Variants in ARID1B observed in about 807,000 individuals in gnomAD.
The protein encoded by ARID1B is AT-rich interactive domain-containing protein 1B.
Under a neutral mutation model 212.3 loss-of-function variants are expected in ARID1B, and 30 were observed. The observed-to-expected ratio is 0.14, with a 90% CI of 0.11 to 0.19. The LOEUF is 0.19. Among genes scored for constraint, ARID1B ranks in the 10% least tolerant of loss-of-function variants. The probability of loss-of-function intolerance (pLI) is 1.00; values close to 1 mark genes in which losing one functional copy is unlikely to be tolerated. For synonymous variants in ARID1B, 1,402 were observed against 1,301.7 expected (o/e 1.08, Z -1.66); for missense variants, 2,891 against 3,204.0 (o/e 0.90, Z 2.36).
intron 4 of ARID1B, among the ~76,000 whole-genome samples, chr6:156,997,032 T>G (rs1451608354): frequency 6.6e-6 from 1 of 152,212 alleles, no homozygotes; most frequent in Non-Finnish European, 1.5e-5. Context: ...GTAAACCTGA[T>G]TTTTAGCATT....
At chr6:157,115,393 T>C (rs746364159) in intron 6 of ARID1B, among the ~76,000 whole-genome samples, 2 of 152,134 alleles carry the variant, frequency 1.3e-5, no homozygotes, top group Non-Finnish European at 2.9e-5. Flanking sequence ...TAAAACTTGA[T>C]TTAGTATTGT....
intron 3 of ARID1B, among the ~76,000 whole-genome samples, chr6:156,926,252 A>G (rs559412588): frequency 6.6e-6 from 1 of 152,320 alleles, no homozygotes; most frequent in African/African-American, 2.4e-5. Flanking sequence ...AACCTAGGGG[A>G]AAAATGAAAT....
intron 3 of ARID1B, among the ~76,000 whole-genome samples, chr6:156,908,117 T>C (rs1176990737): frequency 3.3e-5 from 5 of 152,118 alleles, no homozygotes; most frequent in African/African-American, 1.2e-4. Context: ...CCCAGGCTGG[T>C]CTCTAACTCT....
At chr6:157,186,348 T>C (rs1280504632) in intron 13 of ARID1B, 1 of 440,968 alleles carries the variant, frequency 2.3e-6, no homozygotes, top group East Asian at 7.2e-5. Flanking sequence ...GTATACATTC[T>C]TCTCAGTAGT....
In ARID1B at chr6:157,206,243, A is replaced by G. The variant is rs746202741; in HGVS notation, c.5471A>G (p.Tyr1824Cys). 3.7e-6 allele frequency: 6 copies of G among 1,614,238 alleles called. No homozygotes were observed. Among genetic ancestry groups the G allele is most frequent in the Non-Finnish European group, 5.1e-6 (6 of 1,180,052 alleles). Residue 1824 changes from tyrosine (Y) to cysteine (C), a missense_variant, in exon 20 of 20, where the codon TAT (tyrosine) becomes TGT (cysteine). Physicochemically the swap from Tyr to Cys is radical, Grantham distance 194. Coordinates refer to ENST00000636930, the MANE Select transcript of ARID1B (RefSeq NM_001374828.1). The surrounding 1 kb of genome is among the most constrained non-coding windows in gnomAD (Gnocchi z 6.8). ...LIDIFGILME[Y>C]EVGDPSQKAL... The stretch of plus-strand genomic sequence containing the variant: ...GACATTTTTGGAATTCTTATGGAAT[A>G]TGAAGTGGGAGACCCCAGCCAAAAA...
chr6:157,128,892 A>G (rs1441508755), intron 6 of ARID1B, among the ~76,000 whole-genome samples: 2 of 152,230 alleles, frequency 1.3e-5, no homozygotes, highest in Admixed American at 1.3e-4. Context: ...GGCCAGGGGA[A>G]CTCTGGCAGA....
chr6:157,077,436 C>G (rs1055757706), intron 4 of ARID1B, among the ~76,000 whole-genome samples: 5 of 152,254 alleles, frequency 3.3e-5, no homozygotes, highest in African/African-American at 1.2e-4. Context: ...CTGCCTCTGC[C>G]AGGCTCCGGA....
chr6:157,124,009 C>A (rs79329344), intron 6 of ARID1B, among the ~76,000 whole-genome samples: 253 of 152,366 alleles, frequency 1.7e-3, no homozygotes, highest in African/African-American at 5.9e-3. Context: ...GTGGATGCGT[C>A]TGATAGACAT....
chr6:156,869,492 A>G (rs886974540), intron 2 of ARID1B, among the ~76,000 whole-genome samples: 1 of 152,238 alleles, frequency 6.6e-6, no homozygotes, highest in African/African-American at 2.4e-5. Flanking sequence ...CACTGAGATT[A>G]ATGAGCTTAT....
At chr6:156,995,904 T>G (rs1778558151) in intron 4 of ARID1B, among the ~76,000 whole-genome samples, 1 of 152,202 alleles carries the variant, frequency 6.6e-6, no homozygotes, top group Admixed American at 6.5e-5. Flanking sequence ...GACATGTTAC[T>G]CAATCTGGCA....
chr6:157,105,856 T>C (rs1275658914), intron 5 of ARID1B, among the ~76,000 whole-genome samples: 1 of 152,116 alleles, frequency 6.6e-6, no homozygotes, highest in African/African-American at 2.4e-5. Context: ...CGCCTCAGCC[T>C]CCCAAAGTGC....
intron 4 of ARID1B, among the ~76,000 whole-genome samples, chr6:157,036,025 G>A (rs1040119305): frequency 6.6e-6 from 1 of 152,138 alleles, no homozygotes; most frequent in Non-Finnish European, 1.5e-5. Flanking sequence ...AGTGAAGCCT[G>A]TTACAGTCTG....
intron 4 of ARID1B, among the ~76,000 whole-genome samples, chr6:157,025,637 A>G (rs1780609879): frequency 6.6e-6 from 1 of 152,202 alleles, no homozygotes; most frequent in African/African-American, 2.4e-5. Flanking sequence ...TTGTATCAGT[A>G]GTTAATTCCT....
intron 2 of ARID1B, among the ~76,000 whole-genome samples, chr6:156,843,034 A>T (rs969583958): frequency 6.6e-6 from 1 of 152,236 alleles, no homozygotes; most frequent in African/African-American, 2.4e-5. Context: ...ACACAGCATT[A>T]CATAACCTGG....
chr6:156,918,895 C>A (rs1790569366), intron 3 of ARID1B, among the ~76,000 whole-genome samples: 1 of 152,098 alleles, frequency 6.6e-6, no homozygotes. Context: ...CCCTTTTTCT[C>A]CCTTGGGGGA....
chr6:156,945,024 G>A (rs1776161631), intron 4 of ARID1B, among the ~76,000 whole-genome samples: 1 of 148,040 alleles, frequency 6.8e-6, no homozygotes, highest in South Asian at 2.1e-4. Context: ...CCAGGTTCCT[G>A]CCATTCTCCT....
intron 2 of ARID1B, among the ~76,000 whole-genome samples, chr6:156,839,336 T>G (rs1053890570): frequency 6.6e-6 from 1 of 152,216 alleles, no homozygotes; most frequent in African/African-American, 2.4e-5. Context: ...GCGTGCTGGC[T>G]CAGATCTCTC....
chr6:157,206,046 C>T lies in ARID1B; in HGVS notation c.5395-121C>T, dbSNP rs560868031. On this transcript the variant is annotated intron_variant, in intron 19 of 19. Transcript: ENST00000636930. This position sits in a 1 kb window ranked among gnomAD's most constrained non-coding sequence, Gnocchi z 6.8. ...TTCATGGTCCAGCCAAAAAGGGAGA[C>T]AAACGTGTGACAATGATGGAAAGGT... 114 of 1,142,020 alleles carry T rather than the reference C, an allele frequency of 1.0e-4. 1 individual carries two copies. The South Asian group carries it at 1.4e-3, about 14-fold the overall frequency. 70.7% of individuals were successfully genotyped at this position (1,142,020 alleles called of 1,614,324 possible).
At chr6:156,977,048 G>T in intron 4 of ARID1B, 1 of 345,204 alleles carries the variant, frequency 2.9e-6, no homozygotes, top group Non-Finnish European at 5.5e-6. Flanking sequence ...ACACAGCAGG[G>T]AAAATCCTGG....
Sources: allele counts gnomAD v4.1 joint callset (sites outside exome capture counted in the v4.1 genomes callset), GRCh38; gene constraint gnomAD v4.1.1; non-coding constraint Gnocchi (gnomAD v3.1); transcripts MANE v1.5; gene names NCBI Gene and HGNC (gene_info 2026-07-23, HGNC 2026-07-21).